Variants in CDH8 observed in about 807,000 individuals in gnomAD.
The protein encoded by CDH8 is cadherin 8.
In CDH8, 17 loss-of-function variants were observed where a neutral mutation model predicts 68.1. The observed-to-expected ratio is 0.25, with a 90% CI of 0.17 to 0.37. The LOEUF (loss-of-function observed/expected upper bound fraction) is 0.37, where lower values mean the gene tolerates loss of function less well. Ranked by LOEUF, CDH8 falls within the 10% of genes least tolerant of loss-of-function variation. The pLI is 1.00. For synonymous variants in CDH8, 372 were observed against 365.1 expected, an observed-to-expected ratio of 1.02 and a Z score of -0.21; for missense variants, 763 against 999.3, an observed-to-expected ratio of 0.76 and a Z score of 3.19.
At chr16:61,971,568 G>A (rs1247801881) in intron 2 of CDH8, among the ~76,000 whole-genome samples, 1 of 152,214 alleles carries the variant, frequency 6.6e-6, no homozygotes, top group African/African-American at 2.4e-5. Flanking sequence ...CATGTGTTCA[G>A]CTCTCTGGAA....
chr16:61,963,647 A>G (rs1965196438), intron 2 of CDH8, among the ~76,000 whole-genome samples: 1 of 152,178 alleles, frequency 6.6e-6, no homozygotes, highest in Admixed American at 6.5e-5. Flanking sequence ...TAAGGACTGA[A>G]AGAGAAAGGA....
At chr16:61,784,816 A>G (rs1287170316) in intron 8 of CDH8, among the ~76,000 whole-genome samples, 1 of 152,112 alleles carries the variant, frequency 6.6e-6, no homozygotes, top group Non-Finnish European at 1.5e-5. Flanking sequence ...TGGAAACTGA[A>G]CAACCTGCTC....
At chr16:61,797,441 G>C (rs1961525266) in intron 7 of CDH8, among the ~76,000 whole-genome samples, 1 of 152,044 alleles carries the variant, frequency 6.6e-6, no homozygotes, top group Non-Finnish European at 1.5e-5. Context: ...AAGTTATTCT[G>C]AACTGCATTC....
Position 61,677,188 on chromosome 16 carries a change from G to A in CDH8, c.1655-21467C>T, listed in dbSNP as rs192069066. Among the ~76,000 whole-genome samples the A allele has an allele frequency of 4.0e-5, 6 of 150,938 alleles. No homozygotes were observed. In the East Asian group the frequency reaches 9.8e-4, roughly 25 times the overall value. On this transcript the variant is annotated intron_variant, in intron 10 of 11. Transcript: ENST00000577390. ...TTTCTCTTTCATTCCAGTATCTGCT[G>A]TATCTGATTCTGATCTCTTCATCGT...
chr16:61,668,844 T>G (rs1963732880), intron 10 of CDH8, among the ~76,000 whole-genome samples: 1 of 152,026 alleles, frequency 6.6e-6, no homozygotes, highest in Non-Finnish European at 1.5e-5. Flanking sequence ...TTTAAGAAAC[T>G]GGAAAAAGAC....
intron 7 of CDH8, 88 bp downstream of exon 7, chr16:61,817,391 G>A: frequency 7.8e-7 from 1 of 1,289,028 alleles, no homozygotes. Context: ...GTCCCAAGGA[G>A]AGCCCCACAG....
intron 7 of CDH8, among the ~76,000 whole-genome samples, chr16:61,793,678 T>C (rs1961434791): frequency 6.6e-6 from 1 of 152,006 alleles, no homozygotes; most frequent in South Asian, 2.1e-4. Context: ...GTTGGTTCCA[T>C]GTCTTTGGTA....
At chr16:61,967,126 A>G (rs947045706) in intron 2 of CDH8, among the ~76,000 whole-genome samples, 3 of 152,184 alleles carry the variant, frequency 2.0e-5, no homozygotes, top group Admixed American at 6.5e-5. Context: ...CCTTGAGCCC[A>G]GGAGTCCGAG....
At chr16:62,025,527 C>T (rs1301491055) in intron 1 of CDH8, among the ~76,000 whole-genome samples, 1 of 152,054 alleles carries the variant, frequency 6.6e-6, no homozygotes, top group Non-Finnish European at 1.5e-5. Flanking sequence ...AATGGTATAG[C>T]CCCGGGGAGA....
chr16:61,801,835 A>G (rs900794185), intron 7 of CDH8, among the ~76,000 whole-genome samples: 77 of 152,232 alleles, frequency 5.1e-4, no homozygotes, highest in Non-Finnish European at 9.7e-4. Context: ...AGTCTCGCTG[A>G]TTTCTAGCAC....
At chr16:61,980,794 A>C (rs932780835) in intron 2 of CDH8, among the ~76,000 whole-genome samples, 27 of 152,242 alleles carry the variant, frequency 1.8e-4, no homozygotes, top group African/African-American at 6.3e-4. Context: ...GTGCATAGCA[A>C]GAATTTGTAA....
chr16:61,778,304 A>G (rs1347681828), intron 8 of CDH8, among the ~76,000 whole-genome samples: 1 of 152,154 alleles, frequency 6.6e-6, no homozygotes, highest in East Asian at 1.9e-4. Flanking sequence ...CAATCTTGAT[A>G]TAAAATCTAA....
intron 8 of CDH8, among the ~76,000 whole-genome samples, chr16:61,782,813 C>A (rs2142992732): frequency 6.6e-6 from 1 of 152,088 alleles, no homozygotes; most frequent in South Asian, 2.1e-4. Context: ...TGGGAGGCAC[C>A]CCCCAGCAGG....
intron 4 of CDH8, among the ~76,000 whole-genome samples, chr16:61,852,905 C>CCATT (rs1199461722): frequency 6.9e-6 from 1 of 145,522 alleles, no homozygotes; most frequent in East Asian, 2.2e-4. Context: ...ATTCTTCCTT[C>CCATT]CTTCCTTCCT....
intron 10 of CDH8, among the ~76,000 whole-genome samples, chr16:61,701,286 A>T (rs2142849097): frequency 6.6e-6 from 1 of 152,310 alleles, no homozygotes; most frequent in East Asian, 1.9e-4. Context: ...GGTCTAGGTG[A>T]GGGCTCTTGT....
chr16:61,653,411 A>G lies in CDH8; in HGVS notation c.*197T>C, dbSNP rs1963367726. 5.1e-6 allele frequency: 7 copies of G among 1,378,942 alleles called. No homozygotes were observed. The highest frequency in any genetic ancestry group is 6.5e-6 in the Non-Finnish European group (7 of 1,071,164). 85.4% of individuals were successfully genotyped at this position (1,378,942 alleles called of 1,614,324 possible). On this transcript the variant is annotated 3_prime_UTR_variant, in exon 12 of 12. Transcript: ENST00000577390. Reference sequence around the variant, plus strand: ...TCCACATACTTAATTCACACTCCACAAGATTTATAACCTCCTAACATATAC... The same window carrying G: ...TCCACATACTTAATTCACACTCCACGAGATTTATAACCTCCTAACATATAC...
intron 2 of CDH8, among the ~76,000 whole-genome samples, chr16:61,992,077 T>TGTGTGTGTGTGTGAGA (rs34925928): frequency 0.011 from 1,550 of 144,182 alleles, 25 homozygotes; most frequent in African/African-American, 0.033. Context: ...TGTGTGTGTG[T>TGTGTGTGTGTGTGAGA]GAGAGAGAGA....
chr16:61,996,442 T>C (rs997556959), intron 2 of CDH8, among the ~76,000 whole-genome samples: 2 of 152,218 alleles, frequency 1.3e-5, no homozygotes, highest in African/African-American at 4.8e-5. Flanking sequence ...TAAAAGAGCA[T>C]TAATGTACTA....
chr16:61,725,751 T>C (rs1959342710), intron 9 of CDH8: 1 of 150,812 alleles, frequency 6.6e-6, no homozygotes, highest in African/African-American at 2.4e-5. Flanking sequence ...CATGATAAAA[T>C]TAGGAAACAT....
Sources: allele counts gnomAD v4.1 joint callset (sites outside exome capture counted in the v4.1 genomes callset), GRCh38; gene constraint gnomAD v4.1.1; transcripts MANE v1.5; gene names NCBI Gene and HGNC (gene_info 2026-07-23, HGNC 2026-07-21).